The following EZR variants were observed in gnomAD, a reference collection of about 807,000 sequenced individuals.
EZR encodes the protein cytovillin 2.
In EZR, 40 loss-of-function variants were observed where a neutral mutation model predicts 74.8. That is an observed-to-expected ratio of 0.53 (90% confidence interval 0.42 to 0.70). The LOEUF (loss-of-function observed/expected upper bound fraction) is 0.70, where lower values mean the gene tolerates loss of function less well. Among genes scored for constraint, EZR ranks in the 30% least tolerant of loss-of-function variants. The pLI is 0.00. For synonymous variants in EZR, 341 were observed against 283.3 expected, an observed-to-expected ratio of 1.20 and a Z score of -2.05; for missense variants, 678 against 755.8, an observed-to-expected ratio of 0.90 and a Z score of 1.21.
rs1255167135 is a variant in EZR, at chr6:158,767,003, T to C, written c.1672A>G (p.Met558Val). 1.2e-6 allele frequency: 2 copies of C among 1,614,230 alleles called. No individual in the cohort carries two copies. Among genetic ancestry groups the C allele is most frequent in the Admixed American group, 1.7e-5 (1 of 60,034 alleles). ...TTGTACTTGTCCCGGCCTTGCCTCA[T>C]GTTCTCGTTGTGGATGATGTCATTG... ...THNDIIHNEN[M>V]RQGRDKYKTL... Residue 558 changes from methionine (M) to valine (V), a missense_variant, in exon 14 of 14, where the codon ATG becomes GTG. Met to Val is a conservative substitution (Grantham distance 21). This residue lies in a region of EZR where 342 missense variants were observed against 341.2 expected (regional missense o/e 1.00). Transcript: ENST00000367075.
chr6:158,770,281 T>C (rs1038835716), intron 10 of EZR, among the ~76,000 whole-genome samples: 4 of 152,208 alleles, frequency 2.6e-5, no homozygotes, highest in Admixed American at 1.3e-4. Context: ...CCTTCCCATG[T>C]GTGCTGTAAG....
At chr6:158,775,088 G>A (rs1215124803) in intron 8 of EZR, among the ~76,000 whole-genome samples, 1 of 144,484 alleles carries the variant, frequency 6.9e-6, no homozygotes. Context: ...AGGCTTGAGT[G>A]CAGTGGCGAT....
intron 8 of EZR, among the ~76,000 whole-genome samples, chr6:158,771,900 C>A (rs1477524020): frequency 1.3e-5 from 2 of 152,260 alleles, no homozygotes; most frequent in Admixed American, 1.3e-4. Context: ...ATTTGGGCTT[C>A]CTGTCTCCTC....
intron 2 of EZR, among the ~76,000 whole-genome samples, chr6:158,812,167 GCT>G (rs1191323825): frequency 5.3e-5 from 8 of 152,080 alleles, no homozygotes; most frequent in African/African-American, 1.7e-4. Flanking sequence ...TGTTTTTATG[GCT>G]CTTTTTCACA....
In EZR at chr6:158,814,388, C is replaced by CT. The variant is rs1554275806; in HGVS notation, c.12+3693_12+3694insA. On this transcript the variant is annotated intron_variant, in intron 2 of 13. Transcript: ENST00000367075. Reference sequence around the variant, plus strand: ...TTTCCCCATCAGATTTTCCTCTCGACGTTACCTAGGCTCTTTCCCAGTCTG... The same window carrying CT: ...TTTCCCCATCAGATTTTCCTCTCGACTGTTACCTAGGCTCTTTCCCAGTCTG... Among the ~76,000 whole-genome samples, 5 of 11,400 alleles carry CT rather than the reference C, an allele frequency of 4.4e-4. No individual in the cohort carries two copies. In the South Asian group the frequency reaches 5.1e-3, roughly 12 times the overall value. 7.5% of individuals were successfully genotyped at this position (11,400 alleles called of 152,430 possible). A position where few individuals can be genotyped will look rare whatever the true frequency, so the allele number is the denominator to read the frequency against.
At chr6:158,809,782 C>A (rs953591836) in intron 2 of EZR, among the ~76,000 whole-genome samples, 6 of 152,128 alleles carry the variant, frequency 3.9e-5, no homozygotes, top group African/African-American at 1.4e-4. Flanking sequence ...TCTAAAGAGC[C>A]AGCCAGTAAG....
chr6:158,767,528 T>C lies in EZR; in HGVS notation c.1345-16A>G. ...CTTCTTTGGCCTTTGGAAAGCAAAT[T>C]AATAAGAGGACTTCTCACCCAGAAG... On this transcript the variant is annotated splice_polypyrimidine_tract_variant and intron_variant, in intron 12 of 13. Transcript: ENST00000367075. 1 of 1,557,090 alleles carries C rather than the reference T, an allele frequency of 6.4e-7. No individual in the cohort carries two copies. The highest frequency in any genetic ancestry group is 2.3e-5 in the East Asian group (1 of 44,362).
At chr6:158,771,985 G>A (rs1380483080) in intron 8 of EZR, among the ~76,000 whole-genome samples, 1 of 152,062 alleles carries the variant, frequency 6.6e-6, no homozygotes, top group Non-Finnish European at 1.5e-5. Flanking sequence ...CTGCCAGCCT[G>A]GGAGCTCCAG....
In EZR at chr6:158,783,539, T is replaced by C; in HGVS notation, c.679A>G (p.Ile227Val). Reference protein sequence around the residue: ...WLGVDALGLNIYEKDDKLTPK... With the variant: ...WLGVDALGLNVYEKDDKLTPK... ...ACTCACTTATCATCTTTCTCATAAA[T>C]ATTCAGTCCAAGGGCATCAACTCCA... The change falls in exon 7 of 14, where the codon ATT becomes GTT. Residue 227 changes from isoleucine to valine, a missense_variant. Physicochemically the swap from Ile to Val is conservative, Grantham distance 29. This residue lies in a region of EZR where 119 missense variants were observed against 182.3 expected (regional missense o/e 0.65). Transcript: ENST00000367075. 1.9e-6 allele frequency: 3 copies of C among 1,612,794 alleles called. No homozygotes were observed. Among genetic ancestry groups the C allele is most frequent in the Non-Finnish European group, 2.5e-6 (3 of 1,179,422 alleles).
rs139467617 is a variant in EZR at position 158,776,451 on chromosome 6, T to C, written c.752A>G (p.Asn251Ser). Reference protein sequence around the residue: ...PWSEIRNISFNDKKFVIKPID... With the variant: ...PWSEIRNISFSDKKFVIKPID... ...GGGTTTAATGACAAACTTTTTGTCA[T>C]TGAAAGAGATGTTCCTGATTTCACT... Residue 251 changes from asparagine to serine, a missense_variant, in exon 8 of 14, where the codon AAT becomes AGT. By Grantham distance (46) the Asn-to-Ser change is conservative. Around this residue, in one of 3 missense-constraint regions of EZR, gnomAD observed 119 missense variants for 182.3 expected, o/e 0.65. Coordinates refer to ENST00000367075, the MANE Select transcript of EZR (RefSeq NM_001111077.2). 1,148 of 1,613,692 alleles carry C rather than the reference T, an allele frequency of 7.1e-4. 10 individuals are homozygous for C. Among genetic ancestry groups the C allele is most frequent in the South Asian group, 4.7e-3 (425 of 90,888 alleles).
At chr6:158,814,783 C>T (rs1181005393) in intron 2 of EZR, among the ~76,000 whole-genome samples, 8 of 152,070 alleles carry the variant, frequency 5.3e-5, no homozygotes, top group Non-Finnish European at 7.4e-5. Flanking sequence ...CCTTGTGATC[C>T]GCCCACCTCG....
intron 2 of EZR, among the ~76,000 whole-genome samples, chr6:158,811,901 A>G (rs1354726464): frequency 2.1e-5 from 3 of 146,054 alleles, no homozygotes; most frequent in East Asian, 1.9e-4. Flanking sequence ...ACATTATTTC[A>G]TTAACAAAAG....
At chr6:158,777,322 A>T (rs981059761) in intron 7 of EZR, among the ~76,000 whole-genome samples, 2 of 152,206 alleles carry the variant, frequency 1.3e-5, no homozygotes, top group African/African-American at 4.8e-5. Flanking sequence ...TCACTCTCCA[A>T]CTTCCAGGAC....
intron 8 of EZR, among the ~76,000 whole-genome samples, chr6:158,774,179 T>A (rs917496060): frequency 6.6e-5 from 10 of 152,146 alleles, no homozygotes; most frequent in Non-Finnish European, 1.5e-4. Context: ...AAACTTGAAC[T>A]TCTTCTGCCC....
In EZR at chr6:158,800,291, C is replaced by T. The variant is rs11961708; in HGVS notation, c.13-10920G>A. Among the ~76,000 whole-genome samples the T allele has an allele frequency of 6.9e-3, 1,053 of 152,286 alleles. 7 individuals are homozygous for T. The highest frequency in any genetic ancestry group is 0.024 in the African/African-American group (988 of 41,560). On this transcript the variant is annotated intron_variant, in intron 2 of 13. Transcript: ENST00000367075. Reference sequence around the variant, plus strand: ...GACCTGACAGTATACTTGGCAAAGACATCAACACCACTGGTCAGGGCTCTT... The same window carrying T: ...GACCTGACAGTATACTTGGCAAAGATATCAACACCACTGGTCAGGGCTCTT...
chr6:158,812,573 A>AAAAGCT (rs1365696760), intron 2 of EZR, among the ~76,000 whole-genome samples: 1 of 152,206 alleles, frequency 6.6e-6, no homozygotes, highest in Non-Finnish European at 1.5e-5. Context: ...AGGGAAAACA[A>AAAAGCT]AAAGCTACTG....
chr6:158,811,204 T>C (rs1324974949), intron 2 of EZR, among the ~76,000 whole-genome samples: 1 of 152,202 alleles, frequency 6.6e-6, no homozygotes, highest in Non-Finnish European at 1.5e-5. Context: ...CAACACACAT[T>C]TACTGCTGAA....
chr6:158,808,152 G>A (rs1379166463), intron 2 of EZR, among the ~76,000 whole-genome samples: 7 of 152,168 alleles, frequency 4.6e-5, no homozygotes, highest in Non-Finnish European at 2.9e-5. Context: ...GTGGAGTTCC[G>A]AGCTAAGGAA....
At chr6:158,783,247 G>C (rs1239837989) in intron 7 of EZR, among the ~76,000 whole-genome samples, 1 of 36,100 alleles carries the variant, frequency 2.8e-5, no homozygotes, top group Non-Finnish European at 9.8e-5. Flanking sequence ...CAGAGGCAGC[G>C]GGGAGGAGAG....
Sources: gnomAD v4.1 joint callset for allele counts (sites outside exome capture counted in the v4.1 genomes callset) on GRCh38, gnomAD v4.1.1 for gene constraint, gnomAD v4.1.1 regional missense constraint, MANE v1.5 for transcripts, NCBI Gene and HGNC (gene_info 2026-07-23, HGNC 2026-07-21) for gene names.